The following SGSM3 variants were observed in gnomAD, a reference collection of about 807,000 sequenced individuals.
The protein encoded by SGSM3 is RUN and SH3 containing 3.
Under a neutral mutation model 100.5 loss-of-function variants are expected in SGSM3, and 96 were observed. That is an observed-to-expected ratio of 0.96 (90% CI 0.81 to 1.13). The LOEUF is 1.13. Ranked by LOEUF, SGSM3 falls within the 50% of genes most tolerant of loss-of-function variation. The pLI is 0.00. For missense variants in SGSM3, 1,001 were observed against 1,015.8 expected (o/e 0.99, Z 0.20); for synonymous variants, 483 against 422.8 (o/e 1.14, Z -1.75).
chr22:40,395,340 T>C (rs905877280), intron 1 of SGSM3, among the ~76,000 whole-genome samples: 2 of 151,712 alleles, frequency 1.3e-5, no homozygotes, highest in African/African-American at 2.4e-5. Context: ...TTTTTTTTTT[T>C]AGACAGGATC....
In SGSM3 at chr22:40,399,018, C is replaced by G. The variant is rs1163281617; in HGVS notation, c.-111-1678C>G. 6.0e-4 allele frequency among the ~76,000 whole-genome samples: 83 copies of G among 139,188 alleles called. 11 individuals carry two copies. Among genetic ancestry groups the G allele is most frequent in the Admixed American group, 8.4e-4 (10 of 11,972 alleles). The allele number at this position is 139,188 out of a possible 152,430, so 91.3% of individuals were successfully genotyped here. A position where few individuals can be genotyped will look rare whatever the true frequency, so the allele number is the denominator to read the frequency against. ...TTTTTTTTTGAGACAGAGTCTCACT[C>G]TGTCACCCAGGCTGGAGGGCAGTGG... On this transcript the variant is annotated intron_variant, in intron 1 of 21. Coordinates refer to ENST00000248929, the MANE Select transcript of SGSM3 (RefSeq NM_015705.6).
At chr22:40,394,512 G>A (rs978940459) in intron 1 of SGSM3, among the ~76,000 whole-genome samples, 1 of 152,104 alleles carries the variant, frequency 6.6e-6, no homozygotes, top group African/African-American at 2.4e-5. Context: ...CGGGTGCGGT[G>A]GTGGGCACCT....
At chr22:40,404,164 C>G (rs1569202113) in intron 4 of SGSM3, 83 bp from the exon 5 acceptor site, 3 of 1,198,292 alleles carry the variant, frequency 2.5e-6, no homozygotes, top group Admixed American at 5.0e-5. Context: ...AAGCTCAGAC[C>G]CTCCTGAAGA....
At chr22:40,382,391 C>G (rs574510510) in intron 1 of SGSM3, among the ~76,000 whole-genome samples, 37 of 152,016 alleles carry the variant, frequency 2.4e-4, no homozygotes, top group Non-Finnish European at 5.0e-4. Context: ...CTAGGTGGGA[C>G]TGGAGTCATG....
intron 1 of SGSM3, among the ~76,000 whole-genome samples, chr22:40,383,238 C>T (rs60943224): frequency 0.023 from 3,509 of 151,920 alleles, 133 homozygotes; most frequent in African/African-American, 0.081. Flanking sequence ...GAGGCCGAGG[C>T]GGGCAGATCA....
At chr22:40,405,335 A>AC (rs1196676516) in intron 7 of SGSM3, 51 bp downstream of exon 7, 4 of 1,430,300 alleles carry the variant, frequency 2.8e-6, no homozygotes, top group African/African-American at 1.5e-5. Flanking sequence ...CCCCTCCAGG[A>AC]CCCTAACAAG....
intron 1 of SGSM3, among the ~76,000 whole-genome samples, chr22:40,374,817 C>T (rs918136936): frequency 5.3e-5 from 8 of 152,064 alleles, no homozygotes; most frequent in African/African-American, 1.2e-4. Flanking sequence ...CTCAGGAGGT[C>T]GAAGTTGCAG....
chr22:40,409,941 C>T lies in SGSM3; in HGVS notation c.*182C>T. On this transcript the variant is annotated 3_prime_UTR_variant, in exon 22 of 22. Coordinates refer to ENST00000248929, the MANE Select transcript of SGSM3 (RefSeq NM_015705.6). ...GGTGGGAGCAGAGGGTACCCTGCCC[C>T]ACCAGGGTCCTTAGGGATGCTCTAG... The T allele has an allele frequency of 7.1e-7, 1 of 1,399,258 alleles. No homozygotes were observed. Among genetic ancestry groups the T allele is most frequent in the Non-Finnish European group, 9.2e-7 (1 of 1,083,398 alleles). The allele number at this position is 1,399,258 out of a possible 1,614,324, so 86.7% of individuals were successfully genotyped here.
rs1372399495 is a variant in SGSM3 at position 40,409,338 on chromosome 22, A to T, written c.2077A>T (p.Ser693Cys). The change falls in exon 20 of 22, where the codon AGC becomes TGC. Residue 693 changes from serine to cysteine, a missense_variant. Transcript: ENST00000248929. The stretch of plus-strand genomic sequence containing the variant: ...GTACCAGCCCTGGTCCTTCCTGCGC[A>T]GCCCGGGCTGGGTCCAGATCAAGTG... Reference protein sequence around the residue: ...KWYQPWSFLRSPGWVQIKCEL... With the variant: ...KWYQPWSFLRCPGWVQIKCEL... 1 of 1,611,620 alleles carries T rather than the reference A, an allele frequency of 6.2e-7. No individual in the cohort carries two copies. The highest frequency in any genetic ancestry group is 8.5e-7 in the Non-Finnish European group (1 of 1,178,844).
chr22:40,405,308 A>G (rs12483888), intron 7 of SGSM3, 24 bp downstream of exon 7: 193,562 of 1,455,420 alleles, frequency 0.13, 16,471 homozygotes, highest in Admixed American at 0.42. Flanking sequence ...CAGAAAGGGC[A>G]GTGGCAGCCC....
Position 40,408,818 on chromosome 22 carries a change from G to A in SGSM3, c.1878G>A (p.Leu626=), listed in dbSNP as rs1229952126. The stretch of plus-strand genomic sequence containing the variant: ...GGTTGGATGAAGATGGCAAAGTCCT[G>A]ACCCCGGAGGAGCTGCTCTACCGGG... ...TFRLDEDGKV[L]TPEELLYRAV... The change falls in exon 18 of 22, where the codon CTG becomes CTA. Residue 626 remains leucine, a synonymous_variant. Coordinates refer to ENST00000248929, the MANE Select transcript of SGSM3 (RefSeq NM_015705.6). The A allele has an allele frequency of 8.1e-6, 13 of 1,613,802 alleles. No individual in the cohort carries two copies. The highest frequency in any genetic ancestry group is 2.7e-5 in the African/African-American group (2 of 75,038).
rs1286641653 is a variant in SGSM3 at position 40,406,667 on chromosome 22, C to CCCAGGATG, written c.1185+6_1185+13dup. The CCCAGGATG allele has an allele frequency of 6.2e-7, 1 of 1,604,680 alleles. No individual in the cohort carries two copies. Among genetic ancestry groups the CCCAGGATG allele is most frequent in the Non-Finnish European group, 8.5e-7 (1 of 1,174,000 alleles). ...ACCCTCACCAACCTCTCTCAGGTGG[C>CCCAGGATG]CCAGGATGGGGGGCCGCACCTTGAC... On this transcript the variant is annotated splice_donor_region_variant and intron_variant, in intron 10 of 21. Transcript: ENST00000248929.
chr22:40,389,836 G>A (rs1185243706), intron 1 of SGSM3, among the ~76,000 whole-genome samples: 3 of 150,632 alleles, frequency 2.0e-5, no homozygotes, highest in Non-Finnish European at 4.4e-5. Flanking sequence ...CCTGGGAGGC[G>A]GAAGTTGCAG....
chr22:40,395,214 T>C (rs910245859), intron 1 of SGSM3, among the ~76,000 whole-genome samples: 21 of 152,300 alleles, frequency 1.4e-4, no homozygotes, highest in African/African-American at 4.8e-4. Context: ...AACTCCCAAA[T>C]TGACGTTTCT....
At chr22:40,389,916 G>GAAAAAAAA (rs34606137) in intron 1 of SGSM3, among the ~76,000 whole-genome samples, 1 of 104,936 alleles carries the variant, frequency 9.5e-6, no homozygotes, top group Non-Finnish European at 2.0e-5. Flanking sequence ...AAAAAAAAAA[G>GAAAAAAAA]AAAAAAAAAA....
intron 1 of SGSM3, among the ~76,000 whole-genome samples, chr22:40,397,388 G>C (rs1470927105): frequency 6.6e-6 from 1 of 151,780 alleles, no homozygotes; most frequent in Non-Finnish European, 1.5e-5. Context: ...GCAACATAGA[G>C]GGACCTTGTC....
intron 7 of SGSM3, 101 bp downstream of exon 7, chr22:40,405,385 C>T: frequency 8.4e-7 from 1 of 1,192,538 alleles, no homozygotes; most frequent in Non-Finnish European, 1.1e-6. Flanking sequence ...CCAGGGCCTC[C>T]TCCAGGACCC....
intron 1 of SGSM3, among the ~76,000 whole-genome samples, chr22:40,394,907 C>T (rs1173262493): frequency 1.3e-5 from 2 of 152,158 alleles, no homozygotes; most frequent in East Asian, 1.9e-4. Flanking sequence ...TTCTTCATGG[C>T]ATGTATTATT....
At chr22:40,400,419 G>A (rs1465860348) in intron 1 of SGSM3, among the ~76,000 whole-genome samples, 1 of 152,088 alleles carries the variant, frequency 6.6e-6, no homozygotes, top group Non-Finnish European at 1.5e-5. Context: ...CGAGGCCGGC[G>A]GGATCACGAG....
Sources: allele counts gnomAD v4.1 joint callset (sites outside exome capture counted in the v4.1 genomes callset), GRCh38; gene constraint gnomAD v4.1.1; transcripts MANE v1.5; gene names NCBI Gene and HGNC (gene_info 2026-07-23, HGNC 2026-07-21).